Variants in NXPE2 observed in about 807,000 individuals in gnomAD.
NXPE2 encodes NXPE family member 2.
NXPE2 carries 34 observed loss-of-function variants against 34.4 expected under a neutral mutation model. That is an observed-to-expected ratio of 0.99 (90% CI 0.75 to 1.31). The LOEUF is 1.31. NXPE2 is among the 40% of genes most tolerant of loss of function. NXPE2 has a pLI of 0.00. For missense variants in NXPE2, 649 were observed against 672.5 expected, an observed-to-expected ratio of 0.97 and a Z score of 0.39; for synonymous variants, 235 against 231.3, an observed-to-expected ratio of 1.02 and a Z score of -0.15.
At chr11:114,478,482 T>A in the NXPE2 span, among the ~76,000 whole-genome samples, 4 of 152,180 alleles carry the variant, frequency 2.6e-5, no homozygotes, top group Admixed American at 2.0e-4. Flanking sequence ...TCTTTCCCTT[T>A]CCCTTTTTAC....
the NXPE2 span, among the ~76,000 whole-genome samples, chr11:114,614,936 C>G: frequency 1.3e-5 from 2 of 151,296 alleles, no homozygotes; most frequent in African/African-American, 2.4e-5. Context: ...AGTATTGCCT[C>G]TTGGGTTACC....
chr11:114,647,007 G>A, the NXPE2 span, among the ~76,000 whole-genome samples: 1 of 152,190 alleles, frequency 6.6e-6, no homozygotes, highest in Admixed American at 6.5e-5. Context: ...GACACTGACG[G>A]CACACCTTCA....
the NXPE2 span, chr11:114,582,323 A>G: frequency 8.8e-6 from 14 of 1,594,166 alleles, no homozygotes; most frequent in Non-Finnish European, 1.2e-5. Context: ...TGCTAAGATA[A>G]GAAACTTTCT....
chr11:114,671,487 A>T, the NXPE2 span, among the ~76,000 whole-genome samples: 2 of 152,088 alleles, frequency 1.3e-5, no homozygotes, highest in African/African-American at 4.8e-5. Flanking sequence ...ACCCAGACAC[A>T]TCATAGTAAA....
chr11:114,609,690 A>G, the NXPE2 span, among the ~76,000 whole-genome samples: 4 of 149,444 alleles, frequency 2.7e-5, no homozygotes, highest in African/African-American at 9.9e-5. Context: ...GTATTTCCTC[A>G]TGGGTAACCA....
At chr11:114,578,881 T>C in the NXPE2 span, among the ~76,000 whole-genome samples, 1 of 152,206 alleles carries the variant, frequency 6.6e-6, no homozygotes, top group African/African-American at 2.4e-5. Context: ...ACAATTGCAA[T>C]GGCTGTTGTT....
chr11:114,610,849 G>A, the NXPE2 span, among the ~76,000 whole-genome samples: 4 of 151,978 alleles, frequency 2.6e-5, no homozygotes, highest in South Asian at 8.3e-4. Context: ...ATTGCCTCTA[G>A]GGTAACCACT....
At chr11:114,792,541 C>A in the NXPE2 span, among the ~76,000 whole-genome samples, 4 of 152,194 alleles carry the variant, frequency 2.6e-5, no homozygotes, top group Non-Finnish European at 1.5e-5. Context: ...TCTCTTACTG[C>A]TGCTCTGGGG....
intron 2 of NXPE2, among the ~76,000 whole-genome samples, chr11:114,683,607 C>G (rs1792399): frequency 0.76 from 114,884 of 151,962 alleles, 43,991 homozygotes; most frequent in East Asian, 0.84. Context: ...TTTTAGTAGA[C>G]ATGGGGTTTC....
At chr11:114,706,363 G>A in intron 5 of NXPE2, 32 bp from the exon 6 acceptor site, 2 of 1,475,252 alleles carry the variant, frequency 1.4e-6, no homozygotes, top group Non-Finnish European at 1.8e-6. Context: ...TTTTCCTTTT[G>A]TTAAAATATT....
the NXPE2 span, among the ~76,000 whole-genome samples, chr11:114,747,162 G>T: frequency 1.9e-3 from 288 of 152,220 alleles, 2 homozygotes; most frequent in African/African-American, 6.5e-3. Flanking sequence ...TTATACTACT[G>T]TAATGAACAA....
the NXPE2 span, among the ~76,000 whole-genome samples, chr11:114,467,344 C>T: frequency 6.6e-6 from 1 of 152,166 alleles, no homozygotes; most frequent in African/African-American, 2.4e-5. Flanking sequence ...GTTCGTTCCA[C>T]ATTTTTGACT....
the NXPE2 span, among the ~76,000 whole-genome samples, chr11:114,472,258 T>G: frequency 6.6e-6 from 1 of 152,210 alleles, no homozygotes; most frequent in South Asian, 2.1e-4. Context: ...TGGCTTGGTC[T>G]AGCCCTCTCC....
At chr11:114,521,396 C>T in the NXPE2 span, among the ~76,000 whole-genome samples, 1 of 152,148 alleles carries the variant, frequency 6.6e-6, no homozygotes, top group Non-Finnish European at 1.5e-5. Context: ...GAAGAGACTC[C>T]TTTGGGTTAC....
At chr11:114,544,716 TAA>T in the NXPE2 span, among the ~76,000 whole-genome samples, 183 of 152,216 alleles carry the variant, frequency 1.2e-3, no homozygotes, top group African/African-American at 3.7e-3. Context: ...GAAAAACTGA[TAA>T]GTTAGATTTT....
chr11:114,503,428 A>G, the NXPE2 span, among the ~76,000 whole-genome samples: 1 of 152,220 alleles, frequency 6.6e-6, no homozygotes, highest in Non-Finnish European at 1.5e-5. Context: ...TAGTAATAAA[A>G]TGAATATATT....
the NXPE2 span, among the ~76,000 whole-genome samples, chr11:114,634,247 T>C: frequency 6.6e-6 from 1 of 152,048 alleles, no homozygotes; most frequent in East Asian, 1.9e-4. Flanking sequence ...GTTTTTTGGC[T>C]GCATAAATGT....
the NXPE2 span, among the ~76,000 whole-genome samples, chr11:114,733,158 G>T: frequency 6.6e-6 from 1 of 152,028 alleles, no homozygotes; most frequent in African/African-American, 2.4e-5. Context: ...ATGCAGTGGC[G>T]CAATCTCGGC....
the NXPE2 span, among the ~76,000 whole-genome samples, chr11:114,514,878 T>G: frequency 1.3e-5 from 2 of 152,148 alleles, no homozygotes; most frequent in Admixed American, 6.5e-5. Flanking sequence ...TCACATCTAT[T>G]TTCTTAAAAG....
Sources: gnomAD v4.1 joint callset for allele counts (sites outside exome capture counted in the v4.1 genomes callset) on GRCh38, gnomAD v4.1.1 for gene constraint, MANE v1.5 for transcripts, NCBI Gene and HGNC (gene_info 2026-07-23, HGNC 2026-07-21) for gene names.